CENPP: variants seen among roughly 807,000 people sequenced by gnomAD.
CENPP encodes centromere protein P.
CENPP carries 24 observed loss-of-function variants against 35.6 expected under a neutral mutation model. The ratio of observed to expected loss-of-function variants is 0.67; its 90% confidence interval spans 0.49 to 0.95. The LOEUF is 0.95. Ranked by LOEUF, CENPP falls within the 40% of genes least tolerant of loss-of-function variation. The pLI is 0.00. For synonymous variants in CENPP, 120 were observed against 125.5 expected, an observed-to-expected ratio of 0.96 and a Z score of 0.29; for missense variants, 332 against 345.3, an observed-to-expected ratio of 0.96 and a Z score of 0.31.
At chr9:92,549,539 C>T (rs912585323) in intron 5 of CENPP, among the ~76,000 whole-genome samples, 1 of 151,354 alleles carries the variant, frequency 6.6e-6, no homozygotes, top group East Asian at 1.9e-4. Context: ...CCCAGCCACT[C>T]GGGAGGCTGA....
chr9:92,409,426 C>A (rs905903920), intron 5 of CENPP, among the ~76,000 whole-genome samples: 4 of 152,098 alleles, frequency 2.6e-5, no homozygotes, highest in African/African-American at 9.7e-5. Context: ...CTTCTATTTT[C>A]TTTTTTACAT....
rs201070591 is a variant in CENPP, at chr9:92,619,163, GCTTT to G, written c.*6019_*6022del. 4,839 of 278,582 alleles carry G rather than the reference GCTTT, an allele frequency of 0.017. 73 individuals are homozygous for G. The highest frequency in any genetic ancestry group is 0.024 in the Non-Finnish European group (3,436 of 143,438). The allele number at this position is 278,582 out of a possible 1,614,324, so 17.3% of individuals were successfully genotyped here. On this transcript the variant is annotated 3_prime_UTR_variant, in exon 8 of 8. Transcript: ENST00000375587. ...AGGTACCCACACATCTCAGGGGCTG[GCTTT>G]CTTTGAGGGAATGCAATGGGCAGCT...
At chr9:92,329,271 G>A (rs538711772) in intron 1 of CENPP, among the ~76,000 whole-genome samples, 21 of 141,410 alleles carry the variant, frequency 1.5e-4, no homozygotes, top group Non-Finnish European at 2.7e-4. Flanking sequence ...TGCAACCTCC[G>A]CCCCCTGGGT....
At chr9:92,381,027 ACCGTCAC>A (rs1842229653) in intron 5 of CENPP, among the ~76,000 whole-genome samples, 1 of 152,162 alleles carries the variant, frequency 6.6e-6, no homozygotes. Flanking sequence ...TTGTCCTGTA[ACCGTCAC>A]CAATATCCAC....
chr9:92,440,796 T>C (rs1057244151), intron 5 of CENPP, among the ~76,000 whole-genome samples: 3 of 152,230 alleles, frequency 2.0e-5, no homozygotes, highest in Admixed American at 6.5e-5. Context: ...TCAGGTTTTG[T>C]ACTTGCTGTG....
At chr9:92,411,713 A>G (rs1364695041) in intron 5 of CENPP, among the ~76,000 whole-genome samples, 1 of 152,312 alleles carries the variant, frequency 6.6e-6, no homozygotes, top group East Asian at 1.9e-4. Flanking sequence ...AGAGCTCTGA[A>G]AAAGGAAGGG....
In CENPP at chr9:92,460,581, A is replaced by C. The variant is rs377459728; in HGVS notation, c.564+80722A>C. 715 of 1,418,626 alleles carry C rather than the reference A, an allele frequency of 5.0e-4. 5 individuals carry two copies. Among genetic ancestry groups the C allele is most frequent in the Middle Eastern group, 3.6e-4 (2 of 5,600 alleles). The allele number at this position is 1,418,626 out of a possible 1,614,324, so 87.9% of individuals were successfully genotyped here. A position where few individuals can be genotyped will look rare whatever the true frequency, so the allele number is the denominator to read the frequency against. On this transcript the variant is annotated intron_variant, in intron 5 of 7. Coordinates refer to ENST00000375587, the MANE Select transcript of CENPP (RefSeq NM_001012267.3). Reference sequence around the variant, plus strand: ...TTGGTGGTAAGCCTAATAAGAAGAGAAATATATATGTTAAGTCAAGTATCA... The same window carrying C: ...TTGGTGGTAAGCCTAATAAGAAGAGCAATATATATGTTAAGTCAAGTATCA...
chr9:92,494,341 C>A (rs1048187696), intron 5 of CENPP, among the ~76,000 whole-genome samples: 14 of 152,152 alleles, frequency 9.2e-5, no homozygotes, highest in African/African-American at 3.4e-4. Flanking sequence ...ATAAGTGTTG[C>A]ACAAGGGTTG....
At position 92,372,593 on chromosome 9, in the gene CENPP, A is replaced by T. The variant is rs554814148; in HGVS notation, c.468-7170A>T. On this transcript the variant is annotated intron_variant, in intron 4 of 7. Coordinates refer to ENST00000375587, the MANE Select transcript of CENPP (RefSeq NM_001012267.3). ...TCATCCTTTCGCCTCCAAGTTTAGG[A>T]CTTCCTTGAGCATTTCTTCTAGGGA... Among the ~76,000 whole-genome samples the T allele has an allele frequency of 5.9e-5, 9 of 152,238 alleles. No homozygotes were observed. In the East Asian group the frequency reaches 1.7e-3, roughly 29 times the overall value.
intron 5 of CENPP, among the ~76,000 whole-genome samples, chr9:92,567,872 G>A (rs1176645394): frequency 1.3e-5 from 2 of 151,936 alleles, no homozygotes; most frequent in Non-Finnish European, 2.9e-5. Flanking sequence ...AACAAGAAAG[G>A]AGCTTAAATA....
At chr9:92,479,795 C>CA (rs1845847766) in intron 5 of CENPP, among the ~76,000 whole-genome samples, 1 of 152,136 alleles carries the variant, frequency 6.6e-6, no homozygotes, top group Non-Finnish European at 1.5e-5. Flanking sequence ...ATGAGGAATT[C>CA]ATTATTTACA....
intron 4 of CENPP, among the ~76,000 whole-genome samples, chr9:92,364,562 A>G (rs1841840142): frequency 1.3e-5 from 2 of 152,088 alleles, no homozygotes. Flanking sequence ...GTGTGTATGG[A>G]ACTGGTTGTT....
At chr9:92,411,335 C>T (rs1030456451) in intron 5 of CENPP, among the ~76,000 whole-genome samples, 1 of 152,094 alleles carries the variant, frequency 6.6e-6, no homozygotes, top group Non-Finnish European at 1.5e-5. Flanking sequence ...CACTCTGACA[C>T]CCAGGCTGGT....
intron 5 of CENPP, among the ~76,000 whole-genome samples, chr9:92,565,898 A>AAAC (rs761028646): frequency 2.4e-4 from 37 of 152,220 alleles, no homozygotes; most frequent in Non-Finnish European, 5.0e-4. Context: ...AGTAAAATAA[A>AAAC]AATAATAATA....
At position 92,451,024 on chromosome 9, in the gene CENPP, A is replaced by C. The variant is rs576412543; in HGVS notation, c.564+71165A>C. On this transcript the variant is annotated intron_variant, in intron 5 of 7. Transcript: ENST00000375587. ...CTTTGTCAGATGAGTAGGTTGCAAA[A>C]ATTTTCTCCCATTCTGTAGGTTGCC... is the stretch of plus-strand genomic sequence containing the variant. Among the ~76,000 whole-genome samples, 6 of 151,522 alleles carry C rather than the reference A, an allele frequency of 4.0e-5. No individual in the cohort carries two copies. In the East Asian group the frequency reaches 1.2e-3, roughly 29 times the overall value.
upstream of CENPP, chr9:92,325,729 T>G: frequency 4.7e-6 from 2 of 424,980 alleles, no homozygotes; most frequent in East Asian, 4.4e-5. Context: ...GGGCTTGGAG[T>G]AGCAAAGAAC....
At chr9:92,486,320 AG>A (rs1846056855) in intron 5 of CENPP, among the ~76,000 whole-genome samples, 1 of 152,224 alleles carries the variant, frequency 6.6e-6, no homozygotes, top group Non-Finnish European at 1.5e-5. Flanking sequence ...TTAATGTTCA[AG>A]TGTCCCTCAT....
chr9:92,392,373 C>T (rs1246760089), intron 5 of CENPP, among the ~76,000 whole-genome samples: 1 of 152,134 alleles, frequency 6.6e-6, no homozygotes, highest in Non-Finnish European at 1.5e-5. Flanking sequence ...CCTGTATTCC[C>T]AGCACTTTGG....
chr9:92,334,967 A>T (rs1013194719), intron 2 of CENPP, among the ~76,000 whole-genome samples: 3 of 151,904 alleles, frequency 2.0e-5, no homozygotes, highest in African/African-American at 7.3e-5. Context: ...CGGGCGAATC[A>T]CTTGAGGTCA....
Sources: allele counts gnomAD v4.1 joint callset (sites outside exome capture counted in the v4.1 genomes callset), GRCh38; gene constraint gnomAD v4.1.1; transcripts MANE v1.5; gene names NCBI Gene and HGNC (gene_info 2026-07-23, HGNC 2026-07-21).